Variants in WRAP53 observed in about 807,000 individuals in gnomAD.
WRAP53 encodes the protein telomerase Cajal body protein 1.
A neutral mutation model predicts 56.6 loss-of-function variants in WRAP53; 28 were observed. The observed-to-expected ratio is 0.50, with a 90% CI of 0.37 to 0.68. The LOEUF is 0.68. WRAP53 is among the 30% of genes least tolerant of loss of function. The pLI is 0.00. For synonymous variants in WRAP53, 283 were observed against 283.4 expected (o/e 1.00, Z 0.01); for missense variants, 671 against 715.5 (o/e 0.94, Z 0.71).
chr17:7,701,192 G>A lies in WRAP53; in HGVS notation c.732-267G>A, dbSNP rs571365963. Among the ~76,000 whole-genome samples the A allele has an allele frequency of 2.9e-4, 44 of 152,238 alleles. No individual in the cohort carries two copies. The highest frequency in any genetic ancestry group is 1.0e-3 in the African/African-American group (43 of 41,546). On this transcript the variant is annotated intron_variant, in intron 5 of 10. Transcript: ENST00000396463. The surrounding 1 kb of genome is among the most constrained non-coding windows in gnomAD (Gnocchi z 4.2). The stretch of plus-strand genomic sequence containing the variant: ...TCACCACGTTGGCCAGGCTGGTCTC[G>A]AACTGACCTCAGGTGATCCACCTGC...
upstream of WRAP53, chr17:7,687,249 C>G: frequency 2.5e-6 from 1 of 398,242 alleles, no homozygotes; most frequent in Non-Finnish European, 4.4e-6. Flanking sequence ...TTCCATCCCA[C>G]TCACCCCCAA....
intron 4 of WRAP53, among the ~76,000 whole-genome samples, chr17:7,697,087 G>T (rs978159499): frequency 1.3e-5 from 2 of 152,082 alleles, no homozygotes; most frequent in Non-Finnish European, 2.9e-5. Context: ...TTGGGAAGCC[G>T]AGGCAGGTGG....
In WRAP53 at chr17:7,697,038, C is replaced by T. The variant is rs1053014488; in HGVS notation, c.643-3703C>T. Reference sequence around the variant, plus strand: ...CTCTCACAAATCAGTAAGAAAAAGACGGCTGGGCATGGTGGCTCATGCCTG... The same window carrying T: ...CTCTCACAAATCAGTAAGAAAAAGATGGCTGGGCATGGTGGCTCATGCCTG... On this transcript the variant is annotated intron_variant, in intron 4 of 10. Coordinates refer to ENST00000396463, the MANE Select transcript of WRAP53 (RefSeq NM_001143992.2). Among the ~76,000 whole-genome samples, 26 of 152,152 alleles carry T rather than the reference C, an allele frequency of 1.7e-4. No individual in the cohort carries two copies. In the South Asian group the frequency reaches 4.2e-3, roughly 24 times the overall value.
At position 7,701,197 on chromosome 17, in the gene WRAP53, G is replaced by A. The variant is rs1290731765; in HGVS notation, c.732-262G>A. Among the ~76,000 whole-genome samples, 1 of 152,042 alleles carries A rather than the reference G, an allele frequency of 6.6e-6. No individual in the cohort carries two copies. The highest frequency in any genetic ancestry group is 1.9e-4 in the East Asian group (1 of 5,184). On this transcript the variant is annotated intron_variant, in intron 5 of 10. Coordinates refer to ENST00000396463, the MANE Select transcript of WRAP53 (RefSeq NM_001143992.2). The surrounding 1 kb of genome is among the most constrained non-coding windows in gnomAD (Gnocchi z 4.2). ...ACGTTGGCCAGGCTGGTCTCGAACT[G>A]ACCTCAGGTGATCCACCTGCCTTGG...
At chr17:7,692,124 G>A (rs2151088210) in intron 4 of WRAP53, among the ~76,000 whole-genome samples, 1 of 151,656 alleles carries the variant, frequency 6.6e-6, no homozygotes, top group South Asian at 2.1e-4. Context: ...ACAGGCATGA[G>A]CCACTGCGCC....
At chr17:7,695,581 T>C (rs1367049235) in intron 4 of WRAP53, among the ~76,000 whole-genome samples, 1 of 152,100 alleles carries the variant, frequency 6.6e-6, no homozygotes, top group Non-Finnish European at 1.5e-5. Flanking sequence ...AGCCACACAA[T>C]TGCTCTTTCG....
chr17:7,689,560 G>A (rs1321527051), intron 3 of WRAP53, 30 bp from the exon 4 acceptor site: 4 of 1,601,162 alleles, frequency 2.5e-6, no homozygotes, highest in Non-Finnish European at 3.4e-6. Flanking sequence ...CATAGGTCTG[G>A]CCAGCTTTCT....
chr17:7,701,781 C>A lies in WRAP53; in HGVS notation c.947C>A (p.Ala316Asp). Residue 316 changes from alanine to aspartate, a missense_variant, in exon 7 of 11, where the codon GCC becomes GAC. Around this residue, in one of 3 missense-constraint regions of WRAP53, gnomAD observed 406 missense variants for 418.5 expected, o/e 0.97. Coordinates refer to ENST00000396463, the MANE Select transcript of WRAP53 (RefSeq NM_001143992.2). This position sits in a 1 kb window ranked among gnomAD's most constrained non-coding sequence, Gnocchi z 4.2. Reference protein sequence around the residue: ...ARPGRDCEVRATFAKKQGQSG... With the variant: ...ARPGRDCEVRDTFAKKQGQSG... ...CCTGGCCGAGACTGCGAGGTCCGAG[C>A]CACATTTGGTAAGCATCTGTGCCTC... 6.2e-7 allele frequency: 1 copy of A among 1,613,960 alleles called. No homozygotes were observed. The highest frequency in any genetic ancestry group is 8.5e-7 in the Non-Finnish European group (1 of 1,179,938).
upstream of WRAP53, chr17:7,686,083 C>T (rs2073949294): frequency 1.3e-5 from 2 of 152,232 alleles, no homozygotes; most frequent in African/African-American, 4.8e-5. Flanking sequence ...AATTCGAGTT[C>T]CGCCTCCTAC....
At chr17:7,687,073 CG>C (rs1207303225), upstream of WRAP53, 8 of 377,150 alleles carry the variant, frequency 2.1e-5, no homozygotes, top group African/African-American at 1.2e-4. Flanking sequence ...CGCCCAGCAC[CG>C]GGTGGATGTG....
In WRAP53 at chr17:7,701,518, T is replaced by C; in HGVS notation, c.791T>C (p.Leu264Pro). ...IHIWDAFTGE[L>P]RASFRAYNHL... ...ATCTGGGACGCATTCACTGGAGAGCTCCGGGCTTCCTTTCGCGCCTACAAC... is the reference window on the plus strand; with the variant it reads ...ATCTGGGACGCATTCACTGGAGAGCCCCGGGCTTCCTTTCGCGCCTACAAC... Residue 264 changes from leucine (L) to proline (P), a missense_variant, in exon 6 of 11, where the codon CTC (leucine) becomes CCC (proline). By Grantham distance (98) the Leu-to-Pro change is moderately conservative. This residue lies in a region of WRAP53 where 406 missense variants were observed against 418.5 expected (regional missense o/e 0.97). Coordinates refer to ENST00000396463, the MANE Select transcript of WRAP53 (RefSeq NM_001143992.2). The surrounding 1 kb of genome is among the most constrained non-coding windows in gnomAD (Gnocchi z 4.2). 1 of 1,614,250 alleles carries C rather than the reference T, an allele frequency of 6.2e-7. No individual in the cohort carries two copies. Among genetic ancestry groups the C allele is most frequent in the Non-Finnish European group, 8.5e-7 (1 of 1,180,050 alleles).
intron 4 of WRAP53, among the ~76,000 whole-genome samples, chr17:7,695,162 A>G (rs112476624): frequency 6.6e-6 from 1 of 151,868 alleles, no homozygotes; most frequent in African/African-American, 2.4e-5. Context: ...TCACCATGTT[A>G]GCCAGGATGG....
At chr17:7,688,337 C>G (rs1252937361), upstream of WRAP53, 1 of 449,138 alleles carries the variant, frequency 2.2e-6, no homozygotes, top group Non-Finnish European at 4.1e-6. Flanking sequence ...GGGAAACCTT[C>G]TAACCTTTCA....
chr17:7,698,849 C>T (rs1289438629), intron 4 of WRAP53, among the ~76,000 whole-genome samples: 1 of 151,642 alleles, frequency 6.6e-6, no homozygotes, highest in Non-Finnish European at 1.5e-5. Context: ...GCATTCCAGC[C>T]TGGGCGACAG....
chr17:7,701,654 C>T lies in WRAP53; in HGVS notation c.823-3C>T, dbSNP rs759910930. The T allele has an allele frequency of 1.5e-5, 25 of 1,614,136 alleles. No individual in the cohort carries two copies. The highest frequency in any genetic ancestry group is 6.6e-5 in the South Asian group (6 of 91,090). On this transcript the variant is annotated splice_polypyrimidine_tract_variant and splice_region_variant and intron_variant, in intron 6 of 10. Transcript: ENST00000396463. The surrounding 1 kb of genome is among the most constrained non-coding windows in gnomAD (Gnocchi z 4.2). ...CCTGTTTTCAGCCCTTTCCTTCCCC[C>T]AGGATGAGCTGACGGCAGCCCATTC...
intron 5 of WRAP53, 149 bp downstream of exon 5, chr17:7,700,978 CT>C (rs771498263): frequency 0.21 from 98,595 of 466,086 alleles, no homozygotes; most frequent in South Asian, 0.33. Context: ...CCTCCCCTTC[CT>C]TTTTTTTTTT....
Position 7,688,543 on chromosome 17 carries a change from G to A in WRAP53, c.-20G>A. 7.9e-7 allele frequency: 1 copy of A among 1,267,340 alleles called. No individual in the cohort carries two copies. The allele number at this position is 1,267,340 out of a possible 1,614,324, so 78.5% of individuals were successfully genotyped here. ...CCCGGGAGTCTTCTGCCTACTCCCAGAAGAGGAGGGAAGCACAGGTGGGTT... is the reference window on the plus strand; with the variant it reads ...CCCGGGAGTCTTCTGCCTACTCCCAAAAGAGGAGGGAAGCACAGGTGGGTT... On this transcript the variant is annotated 5_prime_UTR_variant, in exon 1 of 11. Transcript: ENST00000396463.
intron 4 of WRAP53, among the ~76,000 whole-genome samples, chr17:7,691,608 G>C (rs777969109): frequency 3.3e-5 from 5 of 151,938 alleles, no homozygotes; most frequent in African/African-American, 4.8e-5. Flanking sequence ...GGCCAGGATG[G>C]TCTCGTACTC....
At chr17:7,695,292 G>A (rs2074167989) in intron 4 of WRAP53, among the ~76,000 whole-genome samples, 1 of 152,172 alleles carries the variant, frequency 6.6e-6, no homozygotes, top group Non-Finnish European at 1.5e-5. Flanking sequence ...GAAAATTGGG[G>A]AAGGGTGTAT....
Sources: allele counts gnomAD v4.1 joint callset (sites outside exome capture counted in the v4.1 genomes callset), GRCh38; gene constraint gnomAD v4.1.1; regional missense constraint gnomAD v4.1.1; non-coding constraint Gnocchi (gnomAD v3.1); transcripts MANE v1.5; gene names NCBI Gene and HGNC (gene_info 2026-07-23, HGNC 2026-07-21).